The following SZRD1 variants were observed in gnomAD, a reference collection of about 807,000 sequenced individuals.
The protein encoded by SZRD1 is SUZ RNA binding domain containing 1, also known as SUZ RNA-binding domain-containing.
Under a neutral mutation model 17.6 loss-of-function variants are expected in SZRD1, and 7 were observed. The observed-to-expected ratio is 0.40, with a 90% CI of 0.23 to 0.75. The LOEUF (loss-of-function observed/expected upper bound fraction) is 0.75. SZRD1 is among the 30% of genes least tolerant of loss of function. The pLI is 0.38. For missense variants in SZRD1, 178 were observed against 201.8 expected (o/e 0.88, Z 0.71); for synonymous variants, 77 against 77.9 (o/e 0.99, Z 0.06).
intron 1 of SZRD1, among the ~76,000 whole-genome samples, chr1:16,369,887 CAAAAAAAAAAACA>C (rs1429000065): frequency 1.6e-5 from 2 of 124,770 alleles, no homozygotes; most frequent in South Asian, 2.8e-4. Context: ...GAAACTCCAT[CAAAAAAAAAAACA>C]AAAAAAAAAA....
chr1:16,371,713 G>A (rs1019445078), intron 1 of SZRD1, among the ~76,000 whole-genome samples: 4 of 149,918 alleles, frequency 2.7e-5, no homozygotes, highest in African/African-American at 4.9e-5. Context: ...CGCCCGCCTC[G>A]GCCTCCCAAA....
intron 1 of SZRD1, chr1:16,369,180 G>A: frequency 2.1e-6 from 1 of 474,106 alleles, no homozygotes. Flanking sequence ...CTTTGTCCTG[G>A]TTAATCTGGA....
chr1:16,380,928 A>T lies in SZRD1; in HGVS notation c.52-10447A>T, dbSNP rs1278765245. On this transcript the variant is annotated intron_variant, in intron 1 of 3. Transcript: ENST00000401088. ...AGCCCCTCATCTTTTTTTTTTTTTT[A>T]AAGAAAAAAATAGCTGGGCATAGTG... is the stretch of plus-strand genomic sequence containing the variant. Among the ~76,000 whole-genome samples, 259 of 143,142 alleles carry T rather than the reference A, an allele frequency of 1.8e-3. 1 individual carries two copies. The highest frequency in any genetic ancestry group is 3.2e-3 in the Non-Finnish European group (205 of 63,742). 93.9% of individuals were successfully genotyped at this position (143,142 alleles called of 152,430 possible).
intron 1 of SZRD1, among the ~76,000 whole-genome samples, chr1:16,389,765 C>A (rs1280072662): frequency 6.6e-6 from 1 of 152,210 alleles, no homozygotes. Flanking sequence ...ATTTTCAGAA[C>A]ATACAGAGCA....
At chr1:16,383,611 TTTC>T (rs1162690440) in intron 1 of SZRD1, among the ~76,000 whole-genome samples, 1 of 151,032 alleles carries the variant, frequency 6.6e-6, no homozygotes, top group Non-Finnish European at 1.5e-5. Context: ...CTTTTCTTTC[TTTC>T]TTTTTTTCCT....
intron 1 of SZRD1, among the ~76,000 whole-genome samples, chr1:16,374,668 C>T (rs2082969566): frequency 6.6e-6 from 1 of 152,144 alleles, no homozygotes; most frequent in South Asian, 2.1e-4. Context: ...TCCACCTCTC[C>T]ACTGCTGTTG....
intron 1 of SZRD1, among the ~76,000 whole-genome samples, chr1:16,378,439 C>T (rs1054724152): frequency 2.6e-5 from 4 of 151,554 alleles, no homozygotes; most frequent in African/African-American, 4.9e-5. Context: ...CACCTGCCAC[C>T]GTGACACCTG....
At chr1:16,384,343 G>C (rs1352263939) in intron 1 of SZRD1, among the ~76,000 whole-genome samples, 1 of 148,362 alleles carries the variant, frequency 6.7e-6, no homozygotes, top group East Asian at 2.0e-4. Flanking sequence ...TTCAAGAGCA[G>C]CCTGGAGAAC....
intron 1 of SZRD1, among the ~76,000 whole-genome samples, chr1:16,375,740 A>C (rs571446302): frequency 1.3e-5 from 2 of 152,328 alleles, no homozygotes; most frequent in South Asian, 2.1e-4. Context: ...ATTCCTTTCT[A>C]AAAGGAATAA....
intron 1 of SZRD1, among the ~76,000 whole-genome samples, chr1:16,377,140 C>T (rs561110441): frequency 5.3e-4 from 80 of 152,236 alleles, no homozygotes; most frequent in Non-Finnish European, 7.5e-4. Context: ...GTTTGCCACC[C>T]CTGCTGAGTG....
intron 2 of SZRD1, among the ~76,000 whole-genome samples, chr1:16,392,915 C>T (rs1270159204): frequency 6.6e-6 from 1 of 152,116 alleles, no homozygotes; most frequent in Non-Finnish European, 1.5e-5. Flanking sequence ...TGCTGCAGGG[C>T]CAAATAGTGG....
At chr1:16,387,373 G>A in intron 1 of SZRD1, 1 of 453,362 alleles carries the variant, frequency 2.2e-6, no homozygotes, top group Non-Finnish European at 4.4e-6. Context: ...TCACTCTAAT[G>A]TGTGAGGCCC....
chr1:16,382,188 G>GT (rs1390869796), intron 1 of SZRD1, among the ~76,000 whole-genome samples: 5 of 150,802 alleles, frequency 3.3e-5, no homozygotes, highest in African/African-American at 1.2e-4. Context: ...AGCATGGGTG[G>GT]GTTTTTTTTT....
chr1:16,382,790 C>T (rs777407449), intron 1 of SZRD1, among the ~76,000 whole-genome samples: 1 of 151,854 alleles, frequency 6.6e-6, no homozygotes, highest in South Asian at 2.1e-4. Flanking sequence ...GCCACTGTGC[C>T]GAGTCGGGAC....
intron 1 of SZRD1, among the ~76,000 whole-genome samples, chr1:16,390,894 CAG>C (rs2085212069): frequency 1.3e-5 from 2 of 151,936 alleles, no homozygotes; most frequent in Admixed American, 6.6e-5. Flanking sequence ...GATAGCAAAA[CAG>C]AGACAGAAGG....
At chr1:16,384,454 T>G (rs2083155337) in intron 1 of SZRD1, among the ~76,000 whole-genome samples, 1 of 152,152 alleles carries the variant, frequency 6.6e-6, no homozygotes, top group Non-Finnish European at 1.5e-5. Context: ...GACCAGATTT[T>G]GCTGTTGTAG....
chr1:16,385,303 A>G (rs1476955653), intron 1 of SZRD1, among the ~76,000 whole-genome samples: 1 of 152,154 alleles, frequency 6.6e-6, no homozygotes, highest in East Asian at 1.9e-4. Context: ...ATCAGGCACC[A>G]GAAAGGGTGA....
At position 16,391,387 on chromosome 1, in the gene SZRD1, C is replaced by T. The variant is rs1265729268; in HGVS notation, c.64C>T (p.Arg22Trp). Residue 22 changes from arginine (R) to tryptophan (W), a missense_variant, in exon 2 of 4, where the codon CGG (arginine) becomes TGG (tryptophan). Arg to Trp is a moderately radical substitution (Grantham distance 101). Around this residue, in one of 3 missense-constraint regions of SZRD1, gnomAD observed 117 missense variants for 108.7 expected, o/e 1.08. Transcript: ENST00000401088. This position sits in a 1 kb window ranked among gnomAD's most constrained non-coding sequence, Gnocchi z 4.3. ...TTTTTTCCTCTAGGAAATAGACAGA[C>T]GGTTGGAAAAAAAACTGAAGATCAC... ...EAADSGEIDR[R>W]LEKKLKITQK... 1.1e-5 allele frequency: 17 copies of T among 1,547,350 alleles called. No homozygotes were observed. Among genetic ancestry groups the T allele is most frequent in the Admixed American group, 5.9e-5 (3 of 50,876 alleles).
chr1:16,389,281 G>A (rs1165111313), intron 1 of SZRD1, among the ~76,000 whole-genome samples: 2 of 137,582 alleles, frequency 1.5e-5, no homozygotes, highest in African/African-American at 5.4e-5. Flanking sequence ...GGGGGTGGGG[G>A]GGGGGCAGAG....
Sources: allele counts gnomAD v4.1 joint callset (sites outside exome capture counted in the v4.1 genomes callset), GRCh38; gene constraint gnomAD v4.1.1; regional missense constraint gnomAD v4.1.1; non-coding constraint Gnocchi (gnomAD v3.1); transcripts MANE v1.5; gene names NCBI Gene and HGNC (gene_info 2026-07-23, HGNC 2026-07-21).